The following ALG14 variants were observed in gnomAD, a reference collection of about 807,000 sequenced individuals.
ALG14 encodes ALG14 UDP-N-acetylglucosaminyltransferase subunit.
ALG14 carries 17 observed loss-of-function variants against 22.8 expected under a neutral mutation model. The observed-to-expected ratio is 0.75, with a 90% CI of 0.51 to 1.12. The LOEUF is 1.12. ALG14 is among the 50% of genes most tolerant of loss of function. The pLI is 0.00. For synonymous variants in ALG14, 89 were observed against 103.7 expected, an observed-to-expected ratio of 0.86 and a Z score of 0.86; for missense variants, 288 against 271.8, an observed-to-expected ratio of 1.06 and a Z score of -0.42.
At chr1:95,048,322 T>A (rs1674628169) in intron 2 of ALG14, among the ~76,000 whole-genome samples, 1 of 152,238 alleles carries the variant, frequency 6.6e-6, no homozygotes, top group Non-Finnish European at 1.5e-5. Context: ...CTCTATATTT[T>A]TTTAAATGCA....
chr1:95,031,991 TAG>T (rs1674023960), intron 2 of ALG14, among the ~76,000 whole-genome samples: 1 of 152,188 alleles, frequency 6.6e-6, no homozygotes. Flanking sequence ...GCATTTTTAG[TAG>T]AGACAGGGTT....
chr1:95,006,227 C>T (rs1673215139), intron 3 of ALG14, among the ~76,000 whole-genome samples: 1 of 152,132 alleles, frequency 6.6e-6, no homozygotes, highest in Non-Finnish European at 1.5e-5. Flanking sequence ...TTTGTCATGC[C>T]TGGGTATGTA....
intron 3 of ALG14, among the ~76,000 whole-genome samples, chr1:94,984,255 C>T (rs896438909): frequency 2.6e-5 from 4 of 152,132 alleles, no homozygotes; most frequent in Admixed American, 1.3e-4. Flanking sequence ...ATTGGGCATG[C>T]TCTATGTCAC....
At position 95,022,332 on chromosome 1, in the gene ALG14, T is replaced by C. The variant is rs539946077; in HGVS notation, c.420+4797A>G. 11 of 985,448 alleles carry C rather than the reference T, an allele frequency of 1.1e-5. No homozygotes were observed. The African/African-American group carries it at 1.7e-4, about 16-fold the overall frequency. 61.0% of individuals were successfully genotyped at this position (985,448 alleles called of 1,614,324 possible). On this transcript the variant is annotated intron_variant, in intron 3 of 3. Transcript: ENST00000370205. ...CAGCTACAGGTTGTCACTCAGCCAA[T>C]GTGTCAGTGGCACAGCTGGTAATTT...
chr1:95,026,996 A>G, intron 3 of ALG14, 133 bp downstream of exon 3: 7 of 1,135,480 alleles, frequency 6.2e-6, no homozygotes, highest in Non-Finnish European at 8.5e-6. Context: ...TCAAGGCACC[A>G]GCCAGTTCAG....
At chr1:95,040,938 T>C (rs769917426) in intron 2 of ALG14, among the ~76,000 whole-genome samples, 1 of 152,210 alleles carries the variant, frequency 6.6e-6, no homozygotes, top group African/African-American at 2.4e-5. Flanking sequence ...GTTCAGAACA[T>C]GATTTAAAGA....
intron 3 of ALG14, among the ~76,000 whole-genome samples, chr1:95,011,719 A>G (rs1197317426): frequency 6.6e-6 from 1 of 152,060 alleles, no homozygotes; most frequent in Non-Finnish European, 1.5e-5. Context: ...CCAGCCGAAA[A>G]ATAAATTTCT....
intron 3 of ALG14, among the ~76,000 whole-genome samples, chr1:95,000,710 G>A (rs1264305697): frequency 1.3e-5 from 2 of 149,258 alleles, no homozygotes; most frequent in Non-Finnish European, 3.0e-5. Context: ...GCAAAGATTT[G>A]GCCAGTGTGA....
chr1:95,043,527 A>G (rs1674447662), intron 2 of ALG14, among the ~76,000 whole-genome samples: 2 of 152,208 alleles, frequency 1.3e-5, no homozygotes, highest in Non-Finnish European at 1.5e-5. Flanking sequence ...TGCAGGCTCT[A>G]TGTTCAGCTC....
rs376925669 is a variant in ALG14, at chr1:94,980,131, C to T, written c.*2945G>A. On this transcript the variant is annotated 3_prime_UTR_variant, in exon 4 of 4. Transcript: ENST00000370205. ...GGGTACGTTTCTCAATTTTAACTTACCATGTATCTTTGAAAGGTAGAATGA... is the reference window on the plus strand; with the variant it reads ...GGGTACGTTTCTCAATTTTAACTTATCATGTATCTTTGAAAGGTAGAATGA... 2.6e-4 allele frequency: 40 copies of T among 151,814 alleles called. No homozygotes were observed. Among genetic ancestry groups the T allele is most frequent in the East Asian group, 1.2e-3 (6 of 5,196 alleles). The allele number at this position is 151,814 out of a possible 1,614,324, so 9.4% of individuals were successfully genotyped here.
intron 2 of ALG14, among the ~76,000 whole-genome samples, chr1:95,040,821 TA>T (rs2100796327): frequency 6.6e-6 from 1 of 152,344 alleles, no homozygotes; most frequent in Admixed American, 6.5e-5. Flanking sequence ...CTTCATGTTG[TA>T]AGAATCCCAT....
At chr1:95,007,505 G>T (rs1183996930) in intron 3 of ALG14, among the ~76,000 whole-genome samples, 1 of 152,162 alleles carries the variant, frequency 6.6e-6, no homozygotes, top group African/African-American at 2.4e-5. Context: ...ATTCCTGCAC[G>T]TCTAGTGAAC....
At chr1:95,006,131 G>A (rs770841875) in intron 3 of ALG14, among the ~76,000 whole-genome samples, 17 of 152,144 alleles carry the variant, frequency 1.1e-4, no homozygotes, top group Non-Finnish European at 2.2e-4. Flanking sequence ...TTATCAATAC[G>A]ATGAACCCGG....
At chr1:95,055,796 T>C (rs1209140062) in intron 2 of ALG14, among the ~76,000 whole-genome samples, 2 of 118,596 alleles carry the variant, frequency 1.7e-5, no homozygotes, top group African/African-American at 6.5e-5. Context: ...ATTGAGACCA[T>C]CCTGGTTAAC....
chr1:95,047,816 C>A (rs1350952121), intron 2 of ALG14, among the ~76,000 whole-genome samples: 1 of 151,766 alleles, frequency 6.6e-6, no homozygotes, highest in Non-Finnish European at 1.5e-5. Flanking sequence ...CCCATCTCTA[C>A]AAAAAATAAA....
chr1:95,052,782 G>A (rs1328629075), intron 2 of ALG14, among the ~76,000 whole-genome samples: 2 of 151,276 alleles, frequency 1.3e-5, no homozygotes, highest in East Asian at 1.9e-4. Flanking sequence ...AGCTGAACCC[G>A]GGAGACACAG....
chr1:94,993,471 T>C (rs189766361), intron 3 of ALG14, among the ~76,000 whole-genome samples: 20 of 149,026 alleles, frequency 1.3e-4, no homozygotes. Context: ...TTGTAATTTA[T>C]ATATATTTAT....
rs66813692 is a variant in ALG14, at chr1:94,979,290, G to GAAAAAAAA, written c.*3778_*3785dup. Reference sequence around the variant, plus strand: ...CTGGGCGATGGAGCGAGACTGTCTCGAAAAAAAAAAAAAAAAAAAAAAAAG... The same window carrying GAAAAAAAA: ...CTGGGCGATGGAGCGAGACTGTCTCGAAAAAAAAAAAAAAAAAAAAAAAAAAAAAAAAG... On this transcript the variant is annotated 3_prime_UTR_variant, in exon 4 of 4. Coordinates refer to ENST00000370205, the MANE Select transcript of ALG14 (RefSeq NM_144988.4). 25 of 76,440 alleles carry GAAAAAAAA rather than the reference G, an allele frequency of 3.3e-4. No homozygotes were observed. The highest frequency in any genetic ancestry group is 4.4e-4 in the Non-Finnish European group (17 of 38,640). 4.7% of individuals were successfully genotyped at this position (76,440 alleles called of 1,614,324 possible). A position where few individuals can be genotyped will look rare whatever the true frequency, so the allele number is the denominator to read the frequency against.
intron 3 of ALG14, among the ~76,000 whole-genome samples, chr1:95,001,630 G>C (rs951495522): frequency 6.6e-6 from 1 of 152,136 alleles, no homozygotes; most frequent in African/African-American, 2.4e-5. Flanking sequence ...CGAGTAGCTG[G>C]GATTACAGGT....
Sources: gnomAD v4.1 joint callset for allele counts (sites outside exome capture counted in the v4.1 genomes callset) on GRCh38, gnomAD v4.1.1 for gene constraint, MANE v1.5 for transcripts, NCBI Gene and HGNC (gene_info 2026-07-23, HGNC 2026-07-21) for gene names.